The following TBC1D4 variants were observed in gnomAD, a reference collection of about 807,000 sequenced individuals.
The protein encoded by TBC1D4 is TBC1 domain family member 4, also known as TBC (Tre-2, BUB2, CDC16) domain-containing protein.
In TBC1D4, 121 loss-of-function variants were observed where a neutral mutation model predicts 142.5. That is an observed-to-expected ratio of 0.85 (90% CI 0.73 to 0.99). The LOEUF is 0.99. Among genes scored for constraint, TBC1D4 ranks in the 50% least tolerant of loss-of-function variants. The pLI is 0.00. For synonymous variants in TBC1D4, 630 were observed against 628.2 expected (o/e 1.00, Z -0.04); for missense variants, 1,475 against 1,606.6 (o/e 0.92, Z 1.40).
At chr13:75,404,044 T>C (rs758157412) in intron 1 of TBC1D4, among the ~76,000 whole-genome samples, 1 of 105,610 alleles carries the variant, frequency 9.5e-6, no homozygotes, top group East Asian at 2.0e-4. Context: ...TAGGCTTTTG[T>C]AGGGGGGATA....
intron 9 of TBC1D4, 78 bp from the exon 10 acceptor site, chr13:75,326,501 T>A (rs2138010993): frequency 6.9e-7 from 1 of 1,445,704 alleles, no homozygotes; most frequent in East Asian, 2.3e-5. Flanking sequence ...AGCTCAAAAG[T>A]GACAGTGTGC....
In TBC1D4 at chr13:75,400,633, A is replaced by ATTTT. The variant is rs71201178; in HGVS notation, c.499-38030_499-38027dup. On this transcript the variant is annotated intron_variant, in intron 1 of 20. Coordinates refer to ENST00000377636, the MANE Select transcript of TBC1D4 (RefSeq NM_014832.5). The stretch of plus-strand genomic sequence containing the variant: ...CCACCATGCCCAGCTAATTTTTTGT[A>ATTTT]TTTTTTTTTTTTTAGTAGAGACAGG... Among the ~76,000 whole-genome samples the ATTTT allele has an allele frequency of 1.4e-3, 193 of 141,288 alleles. 1 individual carries two copies. The highest frequency in any genetic ancestry group is 2.0e-3 in the Non-Finnish European group (130 of 65,998). The allele number at this position is 141,288 out of a possible 152,430, so 92.7% of individuals were successfully genotyped here. A position where few individuals can be genotyped will look rare whatever the true frequency, so the allele number is the denominator to read the frequency against.
intron 10 of TBC1D4, 143 bp from the exon 11 acceptor site, chr13:75,324,544 A>C: frequency 1.0e-6 from 1 of 969,824 alleles, no homozygotes; most frequent in Non-Finnish European, 1.5e-6. Flanking sequence ...ACATGAAAAA[A>C]AAAGAAGAAG....
rs533706519 is a variant in TBC1D4 at position 75,390,152 on chromosome 13, C to T, written c.499-27545G>A. Among the ~76,000 whole-genome samples, 4 of 151,588 alleles carry T rather than the reference C, an allele frequency of 2.6e-5. 1 individual carries two copies. Among genetic ancestry groups the T allele is most frequent in the South Asian group, 4.2e-4 (2 of 4,780 alleles). ...AAAATTAGCTGGGCCTGGCGGCGGG[C>T]GCCTGTAATCCCAGCTACTAGGGAG... On this transcript the variant is annotated intron_variant, in intron 1 of 20. Transcript: ENST00000377636.
intron 1 of TBC1D4, among the ~76,000 whole-genome samples, chr13:75,480,649 C>T (rs1888802482): frequency 6.6e-6 from 1 of 152,216 alleles, no homozygotes; most frequent in South Asian, 2.1e-4. Flanking sequence ...TCTTTCCATT[C>T]AATATCCAAA....
intron 1 of TBC1D4, among the ~76,000 whole-genome samples, chr13:75,427,090 A>AC (rs1334577038): frequency 2.0e-5 from 3 of 148,546 alleles, no homozygotes; most frequent in Non-Finnish European, 4.5e-5. Context: ...CAAAATATAA[A>AC]CATTTTTTTT....
chr13:75,353,186 T>C (rs766785694), intron 4 of TBC1D4, among the ~76,000 whole-genome samples: 4 of 152,212 alleles, frequency 2.6e-5, no homozygotes, highest in Non-Finnish European at 5.9e-5. Context: ...AAATGCAGCA[T>C]GTTCCCAGAC....
At chr13:75,410,341 G>A (rs1221099419) in intron 1 of TBC1D4, among the ~76,000 whole-genome samples, 1 of 152,170 alleles carries the variant, frequency 6.6e-6, no homozygotes, top group African/African-American at 2.4e-5. Flanking sequence ...ACACAGCACA[G>A]CAGCGCACAA....
chr13:75,410,148 A>T (rs566330643), intron 1 of TBC1D4, among the ~76,000 whole-genome samples: 1 of 152,274 alleles, frequency 6.6e-6, no homozygotes, highest in East Asian at 1.9e-4. Flanking sequence ...CATGATAATC[A>T]CTCAATAAAT....
chr13:75,478,987 C>T (rs1255321629), intron 1 of TBC1D4, among the ~76,000 whole-genome samples: 1 of 152,126 alleles, frequency 6.6e-6, no homozygotes, highest in African/African-American at 2.4e-5. Flanking sequence ...CTTTAAAATG[C>T]GGGGTCATAT....
intron 8 of TBC1D4, among the ~76,000 whole-genome samples, chr13:75,332,160 G>A (rs770690599): frequency 2.0e-5 from 3 of 152,182 alleles, no homozygotes; most frequent in Non-Finnish European, 4.4e-5. Flanking sequence ...GTACTAAATG[G>A]AGATAAAGGA....
chr13:75,382,093 T>C (rs1883887405), intron 1 of TBC1D4, among the ~76,000 whole-genome samples: 2 of 69,340 alleles, frequency 2.9e-5, no homozygotes, highest in Non-Finnish European at 7.1e-5. Context: ...ATTAGCTCTT[T>C]CCACTTGGCG....
intron 1 of TBC1D4, among the ~76,000 whole-genome samples, chr13:75,419,876 T>C (rs923766254): frequency 6.6e-6 from 1 of 152,166 alleles, no homozygotes; most frequent in Admixed American, 6.5e-5. Flanking sequence ...CACAGTAGAA[T>C]GCCAAATATG....
chr13:75,477,741 T>C lies in TBC1D4; in HGVS notation c.498+3529A>G, dbSNP rs78747393. ...AGTATTAGTGACCTATCCTAGACCT[T>C]TGGGAGAGAATCAGATATTCTTGTT... On this transcript the variant is annotated intron_variant, in intron 1 of 20. Transcript: ENST00000377636. Among the ~76,000 whole-genome samples, 676 of 152,316 alleles carry C rather than the reference T, an allele frequency of 4.4e-3. 5 individuals are homozygous for C. Among genetic ancestry groups the C allele is most frequent in the African/African-American group, 0.016 (645 of 41,574 alleles).
intron 1 of TBC1D4, among the ~76,000 whole-genome samples, chr13:75,425,426 A>G (rs895722659): frequency 1.3e-5 from 2 of 152,250 alleles, no homozygotes; most frequent in Non-Finnish European, 2.9e-5. Context: ...GAGGTTCCTC[A>G]AAATAGAACT....
intron 1 of TBC1D4, among the ~76,000 whole-genome samples, chr13:75,384,735 G>C (rs908215673): frequency 1.3e-5 from 2 of 151,892 alleles, no homozygotes; most frequent in Non-Finnish European, 2.9e-5. Flanking sequence ...AGAAAAAAAA[G>C]AACTTTGGAA....
intron 12 of TBC1D4, among the ~76,000 whole-genome samples, chr13:75,319,119 A>G (rs1303889750): frequency 6.6e-6 from 1 of 152,232 alleles, no homozygotes; most frequent in Non-Finnish European, 1.5e-5. Context: ...TCTTACACCT[A>G]ACCATGACTG....
chr13:75,458,836 A>G (rs1167143492), intron 1 of TBC1D4, among the ~76,000 whole-genome samples: 4 of 152,122 alleles, frequency 2.6e-5, no homozygotes, highest in Non-Finnish European at 5.9e-5. Flanking sequence ...GCCAGTGGCT[A>G]TGTGCTCTCC....
At chr13:75,451,573 G>A (rs1029389303) in intron 1 of TBC1D4, among the ~76,000 whole-genome samples, 3 of 150,076 alleles carry the variant, frequency 2.0e-5, no homozygotes, top group African/African-American at 7.3e-5. Context: ...CTAGCTACTC[G>A]GGAGGCTGAG....
Sources: allele counts gnomAD v4.1 joint callset (sites outside exome capture counted in the v4.1 genomes callset), GRCh38; gene constraint gnomAD v4.1.1; transcripts MANE v1.5; gene names NCBI Gene and HGNC (gene_info 2026-07-23, HGNC 2026-07-21).